The following ANPEP variants were observed in gnomAD, a reference collection of about 807,000 sequenced individuals.
ANPEP encodes the protein aminopeptidase N.
ANPEP carries 70 observed loss-of-function variants against 114.6 expected under a neutral mutation model. The ratio of observed to expected loss-of-function variants is 0.61; its 90% CI spans 0.50 to 0.75. ANPEP has a LOEUF of 0.75. ANPEP is among the 30% of genes least tolerant of loss of function. The probability of loss-of-function intolerance (pLI) is 0.00; values close to 1 mark genes in which losing one functional copy is unlikely to be tolerated. For synonymous variants in ANPEP, 548 were observed against 522.3 expected (o/e 1.05, Z -0.67); for missense variants, 1,184 against 1,259.5 (o/e 0.94, Z 0.91).
intron 11 of ANPEP, 78 bp downstream of exon 11, chr15:89,801,357 C>T (rs556245690): frequency 1.3e-4 from 198 of 1,569,374 alleles, no homozygotes; most frequent in Non-Finnish European, 1.7e-4. Context: ...CCACAGGAGG[C>T]CAGTCCTACT....
rs556909177 is a variant in ANPEP, at chr15:89,808,696, T to C, written c.-223-1890A>G. On this transcript the variant is annotated intron_variant, in intron 1 of 20. Coordinates refer to ENST00000300060, the MANE Select transcript of ANPEP (RefSeq NM_001150.3). Reference sequence around the variant, plus strand: ...GCCGGACTCGTGCCAGGCCCCAGCATGTCAGGGCCCCACATGCCTTCCTGC... The same window carrying C: ...GCCGGACTCGTGCCAGGCCCCAGCACGTCAGGGCCCCACATGCCTTCCTGC... Among the ~76,000 whole-genome samples the C allele has an allele frequency of 3.9e-5, 6 of 152,246 alleles. No individual in the cohort carries two copies. The South Asian group carries it at 8.3e-4, about 21-fold the overall frequency.
intron 1 of ANPEP, among the ~76,000 whole-genome samples, chr15:89,813,352 T>C (rs1322624839): frequency 1.3e-5 from 2 of 152,180 alleles, no homozygotes; most frequent in African/African-American, 4.8e-5. Context: ...GCTTAAAGGC[T>C]GTAGGGGTGT....
chr15:89,802,944 C>A (rs375961760), intron 10 of ANPEP, among the ~76,000 whole-genome samples: 50 of 152,174 alleles, frequency 3.3e-4, no homozygotes, highest in African/African-American at 1.1e-3. Context: ...AGGCGGGAAC[C>A]ATGAGGGCAG....
At chr15:89,798,803 G>T (rs1052248196) in intron 14 of ANPEP, among the ~76,000 whole-genome samples, 84 of 152,282 alleles carry the variant, frequency 5.5e-4, no homozygotes, top group African/African-American at 2.0e-3. Flanking sequence ...AGCTGGGCAT[G>T]GTGGTGCACA....
chr15:89,813,219 C>A (rs772961200), intron 1 of ANPEP, among the ~76,000 whole-genome samples: 12 of 152,202 alleles, frequency 7.9e-5, no homozygotes, highest in African/African-American at 2.7e-4. Context: ...GATCTCCCAC[C>A]AGAGCCAGCC....
At chr15:89,791,557 C>T (rs1219092708) in intron 18 of ANPEP, among the ~76,000 whole-genome samples, 1 of 151,946 alleles carries the variant, frequency 6.6e-6, no homozygotes, top group Admixed American at 6.5e-5. Flanking sequence ...CCTGCCTCAG[C>T]CTCCCGGGTA....
intron 1 of ANPEP, among the ~76,000 whole-genome samples, chr15:89,809,084 C>A (rs891609414): frequency 6.6e-6 from 1 of 152,158 alleles, no homozygotes; most frequent in Admixed American, 6.5e-5. Flanking sequence ...GGCAATCGTG[C>A]GAAATCAGGT....
chr15:89,805,138 C>G lies in ANPEP; in HGVS notation c.837G>C (p.Leu279Phe), dbSNP rs1894682023. The G allele has an allele frequency of 6.2e-6, 10 of 1,614,272 alleles. No individual in the cohort carries two copies. The highest frequency in any genetic ancestry group is 8.5e-6 in the Non-Finnish European group (10 of 1,180,048). ...CGAACTCACTGACAATGAAGGCCAG[C>G]AAGTACGTGGACATCTTGGGCGTGG... is the stretch of plus-strand genomic sequence containing the variant. ...FHTTPKMSTY[L>F]LAFIVSEFDY... The change falls in exon 4 of 21, where the codon TTG becomes TTC. Residue 279 changes from leucine (L) to phenylalanine (F), a missense_variant. Leu to Phe is a conservative substitution (Grantham distance 22). Coordinates refer to ENST00000300060, the MANE Select transcript of ANPEP (RefSeq NM_001150.3).
At chr15:89,790,402 G>C in intron 20 of ANPEP, 58 bp downstream of exon 20, 1 of 1,502,202 alleles carries the variant, frequency 6.7e-7, no homozygotes, top group South Asian at 1.1e-5. Context: ...AGAATGGAGT[G>C]CCCCTTTGGC....
intron 1 of ANPEP, among the ~76,000 whole-genome samples, chr15:89,811,947 C>T (rs919897954): frequency 6.6e-6 from 1 of 152,186 alleles, no homozygotes; most frequent in South Asian, 2.1e-4. Flanking sequence ...GTCCAGAAAA[C>T]GTAAGTTCTT....
chr15:89,792,771 A>G (rs1007631960), intron 16 of ANPEP, among the ~76,000 whole-genome samples: 6 of 151,532 alleles, frequency 4.0e-5, no homozygotes, highest in African/African-American at 7.3e-5. Context: ...AACAGGCTCC[A>G]GCCCCAGTTT....
At chr15:89,808,392 G>A (rs1384269353) in intron 1 of ANPEP, among the ~76,000 whole-genome samples, 1 of 152,242 alleles carries the variant, frequency 6.6e-6, no homozygotes, top group Admixed American at 6.5e-5. Flanking sequence ...CCTTTGATCT[G>A]TGTGGTGATA....
In ANPEP at chr15:89,793,046, G is replaced by A. The variant is rs372230499; in HGVS notation, c.2238C>T (p.Asn746=). ...GAGCTCCCACTCACTGGTCCATCAG[G>A]TTTTCTGGGATCTCCCTCCAGTTGT... ...NTNNWREIPE[N]LMDQYSEVNA... The change falls in exon 16 of 21, where the codon AAC becomes AAT. Residue 746 remains asparagine (N), a synonymous_variant. Transcript: ENST00000300060. The A allele has an allele frequency of 2.5e-6, 4 of 1,614,074 alleles. No individual in the cohort carries two copies. Among genetic ancestry groups the A allele is most frequent in the East Asian group, 4.5e-5 (2 of 44,882 alleles).
intron 1 of ANPEP, among the ~76,000 whole-genome samples, chr15:89,812,211 C>CGACCA (rs2141817774): frequency 6.6e-6 from 1 of 152,372 alleles, no homozygotes; most frequent in Non-Finnish European, 1.5e-5. Context: ...GCTCCATCCC[C>CGACCA]GACCACTGGG....
Position 89,799,590 on chromosome 15 carries a change from T to C in ANPEP, c.1820-31A>G. 5 of 1,613,988 alleles carry C rather than the reference T, an allele frequency of 3.1e-6. No individual in the cohort carries two copies. Among genetic ancestry groups the C allele is most frequent in the Non-Finnish European group, 4.2e-6 (5 of 1,179,956 alleles). On this transcript the variant is annotated intron_variant, in intron 12 of 20. Transcript: ENST00000300060. The surrounding 1 kb of genome is among the most constrained non-coding windows in gnomAD (Gnocchi z 4.2). ...GAGAGGGACGAGACCTGGGCAGGGCTGCTCAGAGGCCATGGGCTGACCCCT... is the reference window on the plus strand; with the variant it reads ...GAGAGGGACGAGACCTGGGCAGGGCCGCTCAGAGGCCATGGGCTGACCCCT...
intron 3 of ANPEP, 30 bp from the exon 4 acceptor site, chr15:89,805,247 G>T: frequency 6.2e-7 from 1 of 1,613,880 alleles, no homozygotes. Context: ...GTGTGAGGAC[G>T]TACCCTCCTG....
In ANPEP at chr15:89,804,599, GC is replaced by G; in HGVS notation, c.915del (p.Ser307ValfsTer12). On this transcript the variant is annotated frameshift_variant, in exon 5 of 21. Coordinates refer to ENST00000300060, the MANE Select transcript of ANPEP (RefSeq NM_001150.3). LOFTEE classifies it high-confidence loss of function. ...SNGVLIRIWA[R>X]PSAIAAGHGD... ...CCGTGGCCCGCCGCAATGGCACTGG[GC>G]CGGGCCCAGATCCGGATCTGCAAGG... 1.2e-6 allele frequency: 2 copies of G among 1,613,954 alleles called. No individual in the cohort carries two copies. The highest frequency in any genetic ancestry group is 1.7e-6 in the Non-Finnish European group (2 of 1,179,886).
rs545081233 is a variant in ANPEP at position 89,803,709 on chromosome 15, C to T, written c.1375G>A (p.Ala459Thr). The change falls in exon 8 of 21, where the codon GCC (alanine) becomes ACC (threonine). Residue 459 changes from alanine (A) to threonine (T), a missense_variant. Transcript: ENST00000300060. The surrounding 1 kb of genome is among the most constrained non-coding windows in gnomAD (Gnocchi z 4.2). ...LASSHPLSTP[A>T]SEINTPAQIS... ...TGGGCCGGCGTGTTGATCTCCGAGG[C>T]GGGTGTGGACAGCGGGTGGGAGGAG... 9.3e-6 allele frequency: 15 copies of T among 1,612,816 alleles called. No individual in the cohort carries two copies. Among genetic ancestry groups the T allele is most frequent in the Admixed American group, 6.7e-5 (4 of 59,922 alleles).
chr15:89,812,428 G>A (rs1157356964), intron 1 of ANPEP, among the ~76,000 whole-genome samples: 2 of 152,226 alleles, frequency 1.3e-5, no homozygotes, highest in Non-Finnish European at 2.9e-5. Context: ...TCCGCCCATA[G>A]CTGCATCACC....
Sources: gnomAD v4.1 joint callset for allele counts (sites outside exome capture counted in the v4.1 genomes callset) on GRCh38, gnomAD v4.1.1 for gene constraint, Gnocchi (gnomAD v3.1) non-coding constraint, MANE v1.5 for transcripts, NCBI Gene and HGNC (gene_info 2026-07-23, HGNC 2026-07-21) for gene names.